Variants in EPHB1 observed in about 807,000 individuals in gnomAD.
EPHB1 encodes EPH receptor B1.
Under a neutral mutation model 94.4 loss-of-function variants are expected in EPHB1, and 30 were observed. The ratio of observed to expected loss-of-function variants is 0.32; its 90% CI spans 0.24 to 0.43. The LOEUF is 0.43. EPHB1 is among the 20% of genes least tolerant of loss of function. The pLI is 1.00. For missense variants in EPHB1, 1,055 were observed against 1,308.3 expected, an observed-to-expected ratio of 0.81 and a Z score of 2.99; for synonymous variants, 522 against 489.1, an observed-to-expected ratio of 1.07 and a Z score of -0.89.
chr3:135,216,559 C>A (rs75159548), intron 12 of EPHB1, among the ~76,000 whole-genome samples: 6,630 of 151,572 alleles, frequency 0.044, 279 homozygotes, highest in East Asian at 0.21. Context: ...CTCATCTCTA[C>A]TAAAAATAAA....
intron 3 of EPHB1, chr3:134,978,178 C>G (rs1559780197): frequency 8.8e-6 from 3 of 341,368 alleles, no homozygotes; most frequent in Non-Finnish European, 1.7e-5. Flanking sequence ...CAAGTCCTAT[C>G]CATTCCACTG....
chr3:135,233,808 AC>A (rs1192099368), intron 12 of EPHB1, among the ~76,000 whole-genome samples: 2 of 152,232 alleles, frequency 1.3e-5, no homozygotes, highest in African/African-American at 4.8e-5. Context: ...CACTCACAGG[AC>A]CAACATCATG....
At chr3:134,944,904 T>A (rs1368222459) in intron 2 of EPHB1, among the ~76,000 whole-genome samples, 1 of 152,236 alleles carries the variant, frequency 6.6e-6, no homozygotes, top group Non-Finnish European at 1.5e-5. Context: ...AGAATTCTTA[T>A]CTCCTATGTC....
At chr3:135,148,923 G>A (rs1337737557) in intron 5 of EPHB1, among the ~76,000 whole-genome samples, 2 of 152,082 alleles carry the variant, frequency 1.3e-5, no homozygotes, top group East Asian at 1.9e-4. Flanking sequence ...TCTCTTCTTC[G>A]ACACTCTCAT....
intron 13 of EPHB1, among the ~76,000 whole-genome samples, chr3:135,247,043 A>C (rs1165062103): frequency 6.6e-6 from 1 of 152,232 alleles, no homozygotes; most frequent in Non-Finnish European, 1.5e-5. Context: ...AGAGGCAAAA[A>C]CACCAAAAAC....
intron 12 of EPHB1, among the ~76,000 whole-genome samples, chr3:135,233,588 G>A (rs531227670): frequency 6.6e-6 from 1 of 152,286 alleles, no homozygotes; most frequent in Admixed American, 6.5e-5. Flanking sequence ...GAGGATGATG[G>A]CCCTCTTCTC....
intron 1 of EPHB1, among the ~76,000 whole-genome samples, chr3:134,849,091 A>G (rs1229782957): frequency 6.6e-6 from 1 of 152,238 alleles, no homozygotes; most frequent in Non-Finnish European, 1.5e-5. Context: ...AGTGGTTCTC[A>G]AAGTGTGGTG....
At chr3:135,097,154 A>ATT (rs199615193) in intron 3 of EPHB1, among the ~76,000 whole-genome samples, 1 of 130,760 alleles carries the variant, frequency 7.6e-6, no homozygotes, top group Non-Finnish European at 1.6e-5. Flanking sequence ...TCAACGTATG[A>ATT]TTTTTTTTTC....
chr3:135,145,468 T>A (rs1322388242), intron 5 of EPHB1, among the ~76,000 whole-genome samples: 3 of 152,152 alleles, frequency 2.0e-5, no homozygotes, highest in African/African-American at 7.2e-5. Context: ...CTCTATAAAC[T>A]TTTCAGAGTC....
intron 10 of EPHB1, among the ~76,000 whole-genome samples, chr3:135,180,750 GA>G (rs2107705203): frequency 6.6e-6 from 1 of 152,304 alleles, no homozygotes; most frequent in South Asian, 2.1e-4. Flanking sequence ...TAATGTAAAT[GA>G]GATAAAACAT....
At chr3:135,005,832 G>A (rs547098878) in intron 3 of EPHB1, among the ~76,000 whole-genome samples, 20 of 152,340 alleles carry the variant, frequency 1.3e-4, no homozygotes, top group South Asian at 8.3e-4. Context: ...CACGGTGCAC[G>A]CACCCACTGA....
Position 134,999,497 on chromosome 3 carries a change from A to G in EPHB1, c.805+47445A>G, listed in dbSNP as rs566810743. On this transcript the variant is annotated intron_variant, in intron 3 of 15. Coordinates refer to ENST00000398015, the MANE Select transcript of EPHB1 (RefSeq NM_004441.5). Reference sequence around the variant, plus strand: ...GAACTGGTGAGGGCCCCAAGCAAGGAAAGTGCAGGTGACTTGGATGCAGAA... The same window carrying G: ...GAACTGGTGAGGGCCCCAAGCAAGGGAAGTGCAGGTGACTTGGATGCAGAA... Among the ~76,000 whole-genome samples, 40 of 152,314 alleles carry G rather than the reference A, an allele frequency of 2.6e-4. 1 individual carries two copies. Among genetic ancestry groups the G allele is most frequent in the South Asian group, 1.5e-3 (7 of 4,822 alleles).
chr3:134,923,109 G>C (rs1560298428), intron 1 of EPHB1, among the ~76,000 whole-genome samples: 1 of 152,184 alleles, frequency 6.6e-6, no homozygotes, highest in Admixed American at 6.5e-5. Context: ...AGCCTCCCCA[G>C]CTGTCAGAAG....
chr3:135,163,770 G>A (rs1941576749), intron 7 of EPHB1, among the ~76,000 whole-genome samples: 1 of 152,252 alleles, frequency 6.6e-6, no homozygotes, highest in Non-Finnish European at 1.5e-5. Context: ...AAACCCAAGA[G>A]GGGCTGGTTG....
At chr3:135,100,654 T>C (rs1939002802) in intron 3 of EPHB1, among the ~76,000 whole-genome samples, 1 of 152,184 alleles carries the variant, frequency 6.6e-6, no homozygotes, top group Non-Finnish European at 1.5e-5. Context: ...GGTGATGGAC[T>C]CAGTGTCACT....
At chr3:135,186,839 T>A (rs1576454990) in intron 10 of EPHB1, among the ~76,000 whole-genome samples, 2 of 152,314 alleles carry the variant, frequency 1.3e-5, no homozygotes, top group Admixed American at 6.5e-5. Context: ...TTTCAGCAGC[T>A]ATCTGGGATG....
chr3:135,191,574 G>A (rs924300677), intron 10 of EPHB1, among the ~76,000 whole-genome samples: 1 of 151,786 alleles, frequency 6.6e-6, no homozygotes, highest in South Asian at 2.1e-4. Context: ...AGAATTGGAA[G>A]TAACCAAGCC....
chr3:134,997,737 A>T (rs560922770), intron 3 of EPHB1, among the ~76,000 whole-genome samples: 5 of 152,216 alleles, frequency 3.3e-5, no homozygotes, highest in African/African-American at 1.2e-4. Flanking sequence ...TCTCCCTCTG[A>T]CTTAGAGGTC....
intron 5 of EPHB1, among the ~76,000 whole-genome samples, chr3:135,141,511 C>T (rs551125758): frequency 3.2e-4 from 49 of 152,086 alleles, no homozygotes; most frequent in Admixed American, 7.8e-4. Flanking sequence ...CCTAAACCAG[C>T]GGGCTGGTCT....
Sources: allele counts gnomAD v4.1 joint callset (sites outside exome capture counted in the v4.1 genomes callset), GRCh38; gene constraint gnomAD v4.1.1; transcripts MANE v1.5; gene names NCBI Gene and HGNC (gene_info 2026-07-23, HGNC 2026-07-21).